The following NBEA variants were observed in gnomAD, a reference collection of about 807,000 sequenced individuals.
NBEA encodes lysosomal-trafficking regulator 2.
Under a neutral mutation model 343.4 loss-of-function variants are expected in NBEA, and 44 were observed. That is an observed-to-expected ratio of 0.13 (90% CI 0.10 to 0.16). The LOEUF (loss-of-function observed/expected upper bound fraction) is 0.16, where lower values mean the gene tolerates loss of function less well. NBEA is among the 10% of genes least tolerant of loss of function. The pLI is 1.00. For synonymous variants in NBEA, 1,175 were observed against 1,238.7 expected (o/e 0.95, Z 1.08); for missense variants, 2,555 against 3,631.3 (o/e 0.70, Z 7.62).
intron 34 of NBEA, among the ~76,000 whole-genome samples, chr13:35,269,930 G>A (rs889571140): frequency 1.1e-4 from 16 of 152,216 alleles, no homozygotes; most frequent in Admixed American, 4.6e-4. Flanking sequence ...TTATAGGCTA[G>A]GAATAGACAT....
At chr13:35,567,504 A>T (rs1249338137) in intron 45 of NBEA, among the ~76,000 whole-genome samples, 1 of 152,222 alleles carries the variant, frequency 6.6e-6, no homozygotes, top group Non-Finnish European at 1.5e-5. Flanking sequence ...CATAACGGTA[A>T]TGAGAAATAA....
chr13:35,081,891 T>TGA, intron 10 of NBEA, among the ~76,000 whole-genome samples: 2 of 152,232 alleles, frequency 1.3e-5, no homozygotes, highest in Middle Eastern at 3.4e-3. Flanking sequence ...CACCATCACC[T>TGA]TGAGTATTTA....
At position 35,182,493 on chromosome 13, in the gene NBEA, A is replaced by G. The variant is rs2152730933; in HGVS notation, c.4796A>G (p.Asn1599Ser). Residue 1599 changes from asparagine (N) to serine (S), a missense_variant, in exon 29 of 59, where the codon AAC becomes AGC. This residue lies in a region of NBEA where 270 missense variants were observed against 293.3 expected (regional missense o/e 0.92). Coordinates refer to ENST00000379939, the MANE Select transcript of NBEA (RefSeq NM_001385012.1). ...TTRTGSQPGR[N>S]IRQEINSPTS... ...AGAACTGGAAGCCAACCAGGTAGAAACATCAGGCAAGAAATAAATTCACCA... is the reference window on the plus strand; with the variant it reads ...AGAACTGGAAGCCAACCAGGTAGAAGCATCAGGCAAGAAATAAATTCACCA... 1 of 1,610,270 alleles carries G rather than the reference A, an allele frequency of 6.2e-7. No homozygotes were observed. The highest frequency in any genetic ancestry group is 8.5e-7 in the Non-Finnish European group (1 of 1,177,494).
intron 45 of NBEA, among the ~76,000 whole-genome samples, chr13:35,568,396 C>G (rs915371328): frequency 1.3e-5 from 2 of 152,102 alleles, no homozygotes; most frequent in African/African-American, 4.8e-5. Context: ...AATACGCTTG[C>G]AAATATAGTA....
chr13:34,945,382 C>A lies in NBEA; in HGVS notation c.294+2268C>A, dbSNP rs565920915. Among the ~76,000 whole-genome samples, 400 of 152,108 alleles carry A rather than the reference C, an allele frequency of 2.6e-3. 1 individual carries two copies. Among genetic ancestry groups the A allele is most frequent in the Non-Finnish European group, 3.9e-3 (266 of 67,944 alleles). On this transcript the variant is annotated intron_variant, in intron 1 of 58. Transcript: ENST00000379939. ...AGATTTAGGGCTTTATTGTCCAATA[C>A]ACTCATGAAAATGTCATATGAAAAT...
intron 34 of NBEA, among the ~76,000 whole-genome samples, chr13:35,282,500 G>A (rs2035120804): frequency 6.6e-6 from 1 of 152,144 alleles, no homozygotes; most frequent in African/African-American, 2.4e-5. Flanking sequence ...AAAGAAAGTT[G>A]ATGCAGAGGA....
intron 34 of NBEA, among the ~76,000 whole-genome samples, chr13:35,250,239 A>C (rs2031791478): frequency 6.6e-6 from 1 of 152,206 alleles, no homozygotes; most frequent in Non-Finnish European, 1.5e-5. Flanking sequence ...ATTAAAGTGA[A>C]AAGTTTACCC....
chr13:35,351,440 T>G (rs1208733824), intron 37 of NBEA, among the ~76,000 whole-genome samples: 5 of 152,004 alleles, frequency 3.3e-5, no homozygotes, highest in Non-Finnish European at 7.4e-5. Context: ...AAATGATCCA[T>G]TGATAGCAGT....
intron 38 of NBEA, among the ~76,000 whole-genome samples, chr13:35,389,227 T>C (rs969309381): frequency 2.0e-5 from 3 of 152,158 alleles, no homozygotes; most frequent in Non-Finnish European, 1.5e-5. Flanking sequence ...GTGGTACTTA[T>C]ATGATCTCTG....
chr13:35,376,813 A>G (rs569260346), intron 38 of NBEA, among the ~76,000 whole-genome samples: 10 of 152,252 alleles, frequency 6.6e-5, no homozygotes, highest in Non-Finnish European at 8.8e-5. Flanking sequence ...TTGTGGGCAC[A>G]TGCTGTAATA....
At chr13:35,010,740 AAATATAT>A (rs1474714161) in intron 1 of NBEA, among the ~76,000 whole-genome samples, 31 of 33,628 alleles carry the variant, frequency 9.2e-4, no homozygotes, top group African/African-American at 2.7e-3. Context: ...AAAAAAAAAA[AAATATAT>A]ATATATATAT....
At chr13:35,361,704 C>A (rs1162123485) in intron 38 of NBEA, among the ~76,000 whole-genome samples, 1 of 151,918 alleles carries the variant, frequency 6.6e-6, no homozygotes. Flanking sequence ...AACATTTTTT[C>A]TGTGAAAGAC....
intron 34 of NBEA, among the ~76,000 whole-genome samples, chr13:35,248,529 T>A (rs1035447682): frequency 6.6e-6 from 1 of 152,116 alleles, no homozygotes; most frequent in African/African-American, 2.4e-5. Flanking sequence ...GTCAAAACAA[T>A]GTGGCACTGG....
intron 10 of NBEA, among the ~76,000 whole-genome samples, chr13:35,071,856 T>G (rs1228411557): frequency 6.6e-6 from 1 of 152,244 alleles, no homozygotes; most frequent in African/African-American, 2.4e-5. Flanking sequence ...TTATGTAAAG[T>G]ATAAATCTAA....
chr13:35,284,707 T>A (rs959158410), intron 34 of NBEA, among the ~76,000 whole-genome samples: 8 of 152,194 alleles, frequency 5.3e-5, no homozygotes, highest in African/African-American at 1.4e-4. Flanking sequence ...ATGAATTGCT[T>A]GCTTTGCTGT....
intron 1 of NBEA, among the ~76,000 whole-genome samples, chr13:34,973,840 T>G (rs534580641): frequency 6.6e-6 from 1 of 152,296 alleles, no homozygotes; most frequent in African/African-American, 2.4e-5. Flanking sequence ...CCCAGGGGTA[T>G]GTACGGAAGT....
chr13:35,020,682 T>C (rs1182578204), intron 1 of NBEA, among the ~76,000 whole-genome samples: 1 of 152,136 alleles, frequency 6.6e-6, no homozygotes, highest in Non-Finnish European at 1.5e-5. Flanking sequence ...CACACCCAGC[T>C]AATTTTCTTG....
chr13:35,222,120 G>T (rs1012814399), intron 33 of NBEA, among the ~76,000 whole-genome samples: 1 of 151,988 alleles, frequency 6.6e-6, no homozygotes, highest in Non-Finnish European at 1.5e-5. Context: ...GAGTGTAAAT[G>T]TTAAAATGGC....
At chr13:35,496,512 T>A (rs750340496) in intron 41 of NBEA, among the ~76,000 whole-genome samples, 4 of 151,222 alleles carry the variant, frequency 2.6e-5, no homozygotes, top group South Asian at 4.2e-4. Flanking sequence ...TGCACACCTG[T>A]GGTCCCAGCT....
Sources: allele counts gnomAD v4.1 joint callset (sites outside exome capture counted in the v4.1 genomes callset), GRCh38; gene constraint gnomAD v4.1.1; regional missense constraint gnomAD v4.1.1; transcripts MANE v1.5; gene names NCBI Gene and HGNC (gene_info 2026-07-23, HGNC 2026-07-21).